The following ALCAM variants were observed in gnomAD, a reference collection of about 807,000 sequenced individuals.
ALCAM encodes CD166 antigen.
ALCAM carries 30 observed loss-of-function variants against 70.9 expected under a neutral mutation model. That is an observed-to-expected ratio of 0.42 (90% CI 0.32 to 0.57). The LOEUF (loss-of-function observed/expected upper bound fraction) is 0.57. Among genes scored for constraint, ALCAM ranks in the 20% least tolerant of loss-of-function variants. The probability of loss-of-function intolerance (pLI) is 0.11; values close to 1 mark genes in which losing one functional copy is unlikely to be tolerated. For missense variants in ALCAM, 591 were observed against 695.1 expected (o/e 0.85, Z 1.68); for synonymous variants, 249 against 242.5 (o/e 1.03, Z -0.25).
rs75321939 is a variant in ALCAM, at chr3:105,567,218, T to C, written c.1665-4634T>C. ...TTAGTATGTCTATGATTAACTTGAG[T>C]GTGTTTTTCCTTTTGCATTTCCTCC... is the stretch of plus-strand genomic sequence containing the variant. On this transcript the variant is annotated intron_variant, in intron 14 of 15. Coordinates refer to ENST00000306107, the MANE Select transcript of ALCAM (RefSeq NM_001627.4). 1.3e-3 allele frequency among the ~76,000 whole-genome samples: 205 copies of C among 152,298 alleles called. 2 individuals are homozygous for C. The East Asian group carries it at 0.033, about 24-fold the overall frequency.
chr3:105,456,056 G>A (rs1052222747), intron 1 of ALCAM, among the ~76,000 whole-genome samples: 2 of 152,110 alleles, frequency 1.3e-5, no homozygotes, highest in African/African-American at 4.8e-5. Context: ...TCTAGCCTGG[G>A]CGACAGAGAG....
At chr3:105,546,795 T>C (rs1296193842) in intron 9 of ALCAM, among the ~76,000 whole-genome samples, 2 of 151,412 alleles carry the variant, frequency 1.3e-5, no homozygotes, top group Admixed American at 6.6e-5. Flanking sequence ...GGATTGTGTC[T>C]AGTTGCCTGC....
intron 1 of ALCAM, among the ~76,000 whole-genome samples, chr3:105,379,006 C>G (rs1362348861): frequency 2.6e-5 from 4 of 151,994 alleles, no homozygotes; most frequent in Non-Finnish European, 5.9e-5. Flanking sequence ...AGACTGAAAT[C>G]TGCATAGCAT....
intron 1 of ALCAM, among the ~76,000 whole-genome samples, chr3:105,400,341 A>G (rs1027483228): frequency 2.6e-5 from 4 of 152,200 alleles, no homozygotes; most frequent in Non-Finnish European, 5.9e-5. Context: ...ATCATTTAAT[A>G]TGTCATTTAA....
chr3:105,476,956 A>G (rs1938133359), intron 1 of ALCAM, among the ~76,000 whole-genome samples: 2 of 152,122 alleles, frequency 1.3e-5, no homozygotes, highest in South Asian at 2.1e-4. Flanking sequence ...GTGATAGTTA[A>G]TAAGTCTCAC....
chr3:105,517,518 CT>C (rs1168445236), intron 1 of ALCAM, among the ~76,000 whole-genome samples: 3 of 152,074 alleles, frequency 2.0e-5, no homozygotes, highest in African/African-American at 7.2e-5. Context: ...GAATAAACAA[CT>C]TTTACTTTAC....
intron 1 of ALCAM, among the ~76,000 whole-genome samples, chr3:105,497,879 A>C (rs1168973975): frequency 1.3e-5 from 2 of 151,892 alleles, no homozygotes; most frequent in Non-Finnish European, 2.9e-5. Flanking sequence ...AAAATACAAA[A>C]AATTAGCCGG....
chr3:105,538,352 G>A (rs997874080), intron 6 of ALCAM, among the ~76,000 whole-genome samples: 1 of 152,116 alleles, frequency 6.6e-6, no homozygotes, highest in Non-Finnish European at 1.5e-5. Flanking sequence ...CCAGGGCAAT[G>A]GGCAAAATGA....
chr3:105,406,179 A>G (rs1936225539), intron 1 of ALCAM, among the ~76,000 whole-genome samples: 1 of 152,122 alleles, frequency 6.6e-6, no homozygotes, highest in African/African-American at 2.4e-5. Flanking sequence ...CTTAATCTAC[A>G]TGGGTCCAGA....
intron 1 of ALCAM, among the ~76,000 whole-genome samples, chr3:105,483,417 G>A (rs1938327767): frequency 6.6e-6 from 1 of 152,158 alleles, no homozygotes. Context: ...GCTGAGAGTA[G>A]TAGCGAAACC....
intron 9 of ALCAM, among the ~76,000 whole-genome samples, chr3:105,546,696 A>G (rs901477514): frequency 2.0e-5 from 3 of 151,480 alleles, no homozygotes; most frequent in Admixed American, 6.6e-5. Flanking sequence ...CATGTATTCA[A>G]AATAGTGATG....
chr3:105,464,094 A>G (rs542128168), intron 1 of ALCAM, among the ~76,000 whole-genome samples: 1 of 151,452 alleles, frequency 6.6e-6, no homozygotes, highest in Non-Finnish European at 1.5e-5. Flanking sequence ...AGTGCATGGG[A>G]CAGGGGACAA....
At chr3:105,494,834 G>C (rs55820772) in intron 1 of ALCAM, among the ~76,000 whole-genome samples, 2 of 151,770 alleles carry the variant, frequency 1.3e-5, no homozygotes, top group Admixed American at 1.3e-4. Flanking sequence ...TAATCTTTTC[G>C]TTTTTTTGTA....
intron 1 of ALCAM, among the ~76,000 whole-genome samples, chr3:105,398,650 A>G (rs1469910052): frequency 6.6e-6 from 1 of 152,134 alleles, no homozygotes; most frequent in African/African-American, 2.4e-5. Flanking sequence ...TTATTGTATA[A>G]ATTATTTCCT....
chr3:105,449,265 A>C (rs935523409), intron 1 of ALCAM, among the ~76,000 whole-genome samples: 2 of 152,214 alleles, frequency 1.3e-5, no homozygotes, highest in Non-Finnish European at 2.9e-5. Flanking sequence ...AGGTTGTATA[A>C]GATGACAAAG....
rs187470974 is a variant in ALCAM, at chr3:105,410,360, G to A, written c.73+42879G>A. Among the ~76,000 whole-genome samples the A allele has an allele frequency of 1.4e-3, 215 of 152,114 alleles. 1 individual carries two copies. Among genetic ancestry groups the A allele is most frequent in the African/African-American group, 4.9e-3 (202 of 41,534 alleles). On this transcript the variant is annotated intron_variant, in intron 1 of 15. Transcript: ENST00000306107. ...GGTAGTGTCTACCAAGACATCTACC[G>A]TAAAATCTATCTGAAAATTAGAATT...
chr3:105,476,508 G>A (rs1938115015), intron 1 of ALCAM, among the ~76,000 whole-genome samples: 1 of 151,638 alleles, frequency 6.6e-6, no homozygotes, highest in South Asian at 2.1e-4. Context: ...TTCCATCTTC[G>A]CCATCTCTTT....
intron 1 of ALCAM, among the ~76,000 whole-genome samples, chr3:105,456,955 A>C (rs998926118): frequency 3.3e-5 from 5 of 152,136 alleles, no homozygotes; most frequent in Admixed American, 6.6e-5. Flanking sequence ...AGCACATGCA[A>C]AGTTTAAACT....
chr3:105,395,819 T>A (rs1935937382), intron 1 of ALCAM, among the ~76,000 whole-genome samples: 1 of 152,044 alleles, frequency 6.6e-6, no homozygotes, highest in African/African-American at 2.4e-5. Context: ...AGCTCTTCTT[T>A]CTTTTCATTT....
Sources: allele counts gnomAD v4.1 joint callset (sites outside exome capture counted in the v4.1 genomes callset), GRCh38; gene constraint gnomAD v4.1.1; transcripts MANE v1.5; gene names NCBI Gene and HGNC (gene_info 2026-07-23, HGNC 2026-07-21).